The following WDR17 variants were observed in gnomAD, a reference collection of about 807,000 sequenced individuals.
The protein encoded by WDR17 is WD repeat-containing protein 17.
WDR17 carries 143 observed loss-of-function variants against 161.7 expected under a neutral mutation model. The observed-to-expected ratio is 0.88, with a 90% CI of 0.77 to 1.02. The LOEUF (loss-of-function observed/expected upper bound fraction) is 1.02. WDR17 is among the 50% of genes least tolerant of loss of function. The pLI is 0.00. For missense variants in WDR17, 1,469 were observed against 1,520.9 expected, an observed-to-expected ratio of 0.97 and a Z score of 0.57; for synonymous variants, 517 against 515.6, an observed-to-expected ratio of 1.00 and a Z score of -0.04.
At chr4:176,133,184 A>AT (rs1313121933) in intron 7 of WDR17, among the ~76,000 whole-genome samples, 1,110 of 75,726 alleles carry the variant, frequency 0.015, 25 homozygotes, top group African/African-American at 0.053. Flanking sequence ...TTTTATTTTT[A>AT]TTTTTTTTTT....
chr4:176,166,031 A>C (rs1749724355), intron 22 of WDR17: 3 of 644,668 alleles, frequency 4.7e-6, no homozygotes, highest in Non-Finnish European at 7.6e-6. Flanking sequence ...TTTAAGCTAT[A>C]AACAGCGCTT....
At position 176,116,886 on chromosome 4, in the gene WDR17, C is replaced by T. The variant is rs561892241; in HGVS notation, c.307+907C>T. 3.9e-3 allele frequency among the ~76,000 whole-genome samples: 593 copies of T among 151,866 alleles called. 5 individuals carry two copies. Among genetic ancestry groups the T allele is most frequent in the African/African-American group, 0.013 (542 of 41,502 alleles). On this transcript the variant is annotated intron_variant, in intron 3 of 28. Transcript: ENST00000508596. Reference sequence around the variant, plus strand: ...TTGGTTTGTCTTTTCAAATTTAGGTCATTAAGAATGCTTAAAATATCAGTG... The same window carrying T: ...TTGGTTTGTCTTTTCAAATTTAGGTTATTAAGAATGCTTAAAATATCAGTG...
chr4:176,106,152 A>C (rs1738679776), intron 1 of WDR17, among the ~76,000 whole-genome samples: 1 of 152,022 alleles, frequency 6.6e-6, no homozygotes, highest in Admixed American at 6.5e-5. Flanking sequence ...TGAATAACAA[A>C]ACTGGGGGAC....
At chr4:176,113,521 C>A (rs1043773449) in intron 2 of WDR17, among the ~76,000 whole-genome samples, 1 of 151,928 alleles carries the variant, frequency 6.6e-6, no homozygotes, top group Non-Finnish European at 1.5e-5. Context: ...ACTTAGGGGA[C>A]AGTTCATTAC....
rs568579303 is a variant in WDR17, at chr4:176,070,694, T to C, written c.-7+4615T>C. ...ACTCTTGGCTAATTTTTTTTTTTTT[T>C]ACTTTTCGTAGAGAAGACAGCTCAC... On this transcript the variant is annotated intron_variant, in intron 1 of 28. Transcript: ENST00000508596. Among the ~76,000 whole-genome samples, 336 of 151,870 alleles carry C rather than the reference T, an allele frequency of 2.2e-3. 1 individual carries two copies. The highest frequency in any genetic ancestry group is 0.01 in the Middle Eastern group (3 of 294).
intron 13 of WDR17, among the ~76,000 whole-genome samples, chr4:176,149,328 G>A (rs146424533): frequency 1.3e-5 from 2 of 151,664 alleles, no homozygotes; most frequent in East Asian, 3.9e-4. Context: ...GGTGTACAGT[G>A]GCGCAAACAC....
chr4:176,168,955 T>C (rs960727488), intron 23 of WDR17, among the ~76,000 whole-genome samples, 172 bp downstream of exon 23: 24 of 152,202 alleles, frequency 1.6e-4, no homozygotes, highest in African/African-American at 5.8e-4. Flanking sequence ...ACTGAACTGC[T>C]ATGTGCTTGG....
chr4:176,088,410 C>A (rs989851211), intron 1 of WDR17, among the ~76,000 whole-genome samples: 1 of 152,034 alleles, frequency 6.6e-6, no homozygotes, highest in Non-Finnish European at 1.5e-5. Context: ...CATAGTGAGA[C>A]CCTATCTCTT....
intron 1 of WDR17, among the ~76,000 whole-genome samples, chr4:176,078,318 G>C (rs1462158833): frequency 6.6e-6 from 1 of 152,088 alleles, no homozygotes; most frequent in African/African-American, 2.4e-5. Flanking sequence ...GAAATGATGA[G>C]TATAAACTGG....
At chr4:176,176,489 C>T (rs138690368) in intron 26 of WDR17, among the ~76,000 whole-genome samples, 2 of 152,236 alleles carry the variant, frequency 1.3e-5, no homozygotes, top group Admixed American at 6.5e-5. Flanking sequence ...CCTTTCTATA[C>T]GGTGTCCTTC....
intron 1 of WDR17, among the ~76,000 whole-genome samples, chr4:176,073,314 C>G (rs980230223): frequency 3.3e-5 from 5 of 152,030 alleles, no homozygotes; most frequent in African/African-American, 1.2e-4. Context: ...TCCATGTGTT[C>G]TCATTGTTCA....
chr4:176,114,720 T>C (rs1740317262), intron 2 of WDR17, among the ~76,000 whole-genome samples: 1 of 151,702 alleles, frequency 6.6e-6, no homozygotes, highest in African/African-American at 2.4e-5. Flanking sequence ...AAAACAGGTA[T>C]AATAAGATAG....
intron 6 of WDR17, among the ~76,000 whole-genome samples, chr4:176,130,831 T>C (rs1161733085): frequency 6.6e-6 from 1 of 152,086 alleles, no homozygotes; most frequent in Non-Finnish European, 1.5e-5. Context: ...TACTGTAGTG[T>C]CATTATTTTG....
At chr4:176,100,706 T>A (rs1394829989) in intron 1 of WDR17, among the ~76,000 whole-genome samples, 1 of 152,152 alleles carries the variant, frequency 6.6e-6, no homozygotes, top group Non-Finnish European at 1.5e-5. Flanking sequence ...CTAGTATTTT[T>A]ATAGTTTCTG....
chr4:176,112,627 A>T (rs1739948492), intron 2 of WDR17, among the ~76,000 whole-genome samples: 1 of 152,138 alleles, frequency 6.6e-6, no homozygotes, highest in Non-Finnish European at 1.5e-5. Flanking sequence ...ACACTTTCTC[A>T]TCTTTCGAAT....
chr4:176,168,492 CTTTGG>C (rs1230066616), intron 22 of WDR17, among the ~76,000 whole-genome samples, 175 bp from the exon 23 acceptor site: 3 of 151,776 alleles, frequency 2.0e-5, no homozygotes, highest in Admixed American at 6.6e-5. Context: ...TGTTCATGAC[CTTTGG>C]TTTGGGTAAT....
intron 1 of WDR17, among the ~76,000 whole-genome samples, chr4:176,073,503 A>G (rs1267251480): frequency 6.6e-6 from 1 of 151,560 alleles, no homozygotes; most frequent in Non-Finnish European, 1.5e-5. Flanking sequence ...CCAGTCTATC[A>G]TTGTTGGACA....
chr4:176,136,576 T>C (rs866448257), intron 8 of WDR17, among the ~76,000 whole-genome samples: 15 of 151,704 alleles, frequency 9.9e-5, no homozygotes, highest in African/African-American at 3.1e-4. Flanking sequence ...TTTTCTGTTA[T>C]GTGATTACTG....
At chr4:176,141,072 C>T (rs1051005607) in intron 10 of WDR17, among the ~76,000 whole-genome samples, 1 of 152,112 alleles carries the variant, frequency 6.6e-6, no homozygotes, top group African/African-American at 2.4e-5. Flanking sequence ...CTTCATAATA[C>T]ATTAATTAGT....
Sources: gnomAD v4.1 joint callset for allele counts (sites outside exome capture counted in the v4.1 genomes callset) on GRCh38, gnomAD v4.1.1 for gene constraint, MANE v1.5 for transcripts, NCBI Gene and HGNC (gene_info 2026-07-23, HGNC 2026-07-21) for gene names.